Variants in EHD4 observed in about 807,000 individuals in gnomAD.
The protein encoded by EHD4 is EH domain-containing protein 4.
In EHD4, 37 loss-of-function variants were observed where a neutral mutation model predicts 51.0. That is an observed-to-expected ratio of 0.73 (90% CI 0.56 to 0.95). The LOEUF (loss-of-function observed/expected upper bound fraction) is 0.95. EHD4 is among the 40% of genes least tolerant of loss of function. The pLI is 0.00. For synonymous variants in EHD4, 297 were observed against 317.3 expected (o/e 0.94, Z 0.68); for missense variants, 632 against 733.1 (o/e 0.86, Z 1.59).
chr15:41,919,334 T>C lies in EHD4; in HGVS notation c.800A>G (p.Asn267Ser). The C allele has an allele frequency of 6.2e-7, 1 of 1,614,214 alleles. No individual in the cohort carries two copies. Among genetic ancestry groups the C allele is most frequent in the Non-Finnish European group, 8.5e-7 (1 of 1,180,024 alleles). The change falls in exon 4 of 6, where the codon AAC becomes AGC. Residue 267 changes from asparagine (N) to serine (S), a missense_variant. Coordinates refer to ENST00000220325, the MANE Select transcript of EHD4 (RefSeq NM_139265.4). ...CTCGAAGAGCCGGCGGTTGTCCGTG[T>C]TCTGCAGGGGCTGCGCCCAGAAGGA... is the stretch of plus-strand genomic sequence containing the variant. Reference protein sequence around the residue: ...IGSFWAQPLQNTDNRRLFEAE... With the variant: ...IGSFWAQPLQSTDNRRLFEAE...
chr15:41,953,734 G>C, intron 2 of EHD4, 30 bp downstream of exon 2: 1 of 1,566,206 alleles, frequency 6.4e-7, no homozygotes, highest in Non-Finnish European at 8.6e-7. Flanking sequence ...TAAACAGCCT[G>C]ACCGAAGATG....
In EHD4 at chr15:41,972,521, G is replaced by T. The variant is rs760162321; in HGVS notation, c.-27C>A. The T allele has an allele frequency of 6.8e-7, 1 of 1,469,882 alleles. No homozygotes were observed. The highest frequency in any genetic ancestry group is 1.4e-5 in the South Asian group (1 of 73,172). 91.1% of individuals were successfully genotyped at this position (1,469,882 alleles called of 1,614,324 possible). A position where few individuals can be genotyped will look rare whatever the true frequency, so the allele number is the denominator to read the frequency against. On this transcript the variant is annotated 5_prime_UTR_variant, in exon 1 of 6. Transcript: ENST00000220325. The stretch of plus-strand genomic sequence containing the variant: ...CTGCCGCCAGTCCACGCTCGGATGG[G>T]ACCCTGCTCCGGGTTCGACTCTCCC...
intron 3 of EHD4, among the ~76,000 whole-genome samples, chr15:41,925,178 A>G (rs1379386359): frequency 6.6e-6 from 1 of 152,230 alleles, no homozygotes; most frequent in East Asian, 1.9e-4. Context: ...ACTTGTTTAA[A>G]GATACACATC....
chr15:41,969,995 C>G (rs2067985811), intron 1 of EHD4, among the ~76,000 whole-genome samples: 1 of 152,192 alleles, frequency 6.6e-6, no homozygotes, highest in Non-Finnish European at 1.5e-5. Flanking sequence ...ACCCAGACCA[C>G]TAACCAGGCT....
chr15:41,900,679 G>C lies in EHD4; in HGVS notation c.1592C>G (p.Pro531Arg), dbSNP rs1301507488. Residue 531 changes from proline (P) to arginine (R), a missense_variant, in exon 6 of 6, where the codon CCC becomes CGC. Coordinates refer to ENST00000220325, the MANE Select transcript of EHD4 (RefSeq NM_139265.4). The surrounding 1 kb of genome is among the most constrained non-coding windows in gnomAD (Gnocchi z 4.8). The part of the protein sequence containing the change: ...PSSLPPHLVP[P>R]SHRKSLPKAD ...CTTGGGCAGGGACTTCCTGTGCGAG[G>C]GGGGCACGAGGTGGGGGGGCAGGCT... 6.2e-7 allele frequency: 1 copy of C among 1,602,796 alleles called. No individual in the cohort carries two copies. The highest frequency in any genetic ancestry group is 8.5e-7 in the Non-Finnish European group (1 of 1,178,764).
chr15:41,925,664 G>A lies in EHD4; in HGVS notation c.512-6042C>T, dbSNP rs147912043. Reference sequence around the variant, plus strand: ...AAAAAGAGATGTAATCAGTCCAGTTGTTTCAAAATATAGTTTCTTTCTTTG... The same window carrying A: ...AAAAAGAGATGTAATCAGTCCAGTTATTTCAAAATATAGTTTCTTTCTTTG... On this transcript the variant is annotated intron_variant, in intron 3 of 5. Transcript: ENST00000220325. 8.5e-5 allele frequency among the ~76,000 whole-genome samples: 13 copies of A among 152,324 alleles called. No homozygotes were observed. In the East Asian group the frequency reaches 2.5e-3, roughly 29 times the overall value.
chr15:41,899,067 A>C lies in EHD4; in HGVS notation c.*1578T>G, dbSNP rs2067458636. ...CCCTGTCACCAAAGGCAGGTGACAG[A>C]AAAAAAAAATTATGTGCCTTTTGGA... On this transcript the variant is annotated 3_prime_UTR_variant, in exon 6 of 6. Coordinates refer to ENST00000220325, the MANE Select transcript of EHD4 (RefSeq NM_139265.4). The C allele has an allele frequency of 2.5e-5, 1 of 39,390 alleles. No individual in the cohort carries two copies. The highest frequency in any genetic ancestry group is 5.3e-5 in the Non-Finnish European group (1 of 18,952). 2.4% of individuals were successfully genotyped at this position (39,390 alleles called of 1,614,324 possible).
chr15:41,960,243 C>T (rs1395368865), intron 1 of EHD4, among the ~76,000 whole-genome samples: 2 of 152,166 alleles, frequency 1.3e-5, no homozygotes, highest in East Asian at 3.8e-4. Context: ...TATTTTTATT[C>T]CTAGTTTATA....
At chr15:41,926,352 G>A (rs1359590915) in intron 3 of EHD4, among the ~76,000 whole-genome samples, 24 of 152,146 alleles carry the variant, frequency 1.6e-4, no homozygotes, top group Admixed American at 1.6e-3. Flanking sequence ...GCCTAAAACT[G>A]CTCAAACCTC....
chr15:41,920,212 T>C (rs2067615664), intron 3 of EHD4, among the ~76,000 whole-genome samples: 1 of 152,242 alleles, frequency 6.6e-6, no homozygotes, highest in Non-Finnish European at 1.5e-5. Flanking sequence ...TCAGGTATAT[T>C]GTGAATATTT....
At chr15:41,931,567 AT>A (rs1442083417) in intron 3 of EHD4, among the ~76,000 whole-genome samples, 2 of 152,224 alleles carry the variant, frequency 1.3e-5, no homozygotes, top group East Asian at 3.8e-4. Flanking sequence ...ATAAAACAAA[AT>A]TAAATATGCA....
chr15:41,957,697 C>T (rs748429406), intron 1 of EHD4, among the ~76,000 whole-genome samples: 20 of 152,198 alleles, frequency 1.3e-4, no homozygotes, highest in Admixed American at 1.3e-3. Context: ...CCCCAGCTCC[C>T]TGGTGCTCTA....
At position 41,898,265 on chromosome 15, in the gene EHD4, C is replaced by T. The variant is rs2067452732; in HGVS notation, c.*2380G>A. 1.3e-5 allele frequency: 2 copies of T among 152,214 alleles called. No individual in the cohort carries two copies. The highest frequency in any genetic ancestry group is 6.5e-5 in the Admixed American group (1 of 15,292). The allele number at this position is 152,214 out of a possible 1,614,324, so 9.4% of individuals were successfully genotyped here. ...GAGATCACAGTGCCTGAGAGGTTTT[C>T]CTCCACGGAGAAATCAGAGACCTCA... On this transcript the variant is annotated 3_prime_UTR_variant, in exon 6 of 6. Transcript: ENST00000220325.
At chr15:41,901,292 A>G (rs1326495691) in intron 5 of EHD4, 111 bp from the exon 6 acceptor site, 2 of 1,168,724 alleles carry the variant, frequency 1.7e-6, no homozygotes, top group Non-Finnish European at 1.2e-6. Flanking sequence ...CCCACCCACT[A>G]CTCAGGAGTG....
chr15:41,969,653 C>A (rs59271769), intron 1 of EHD4, among the ~76,000 whole-genome samples: 14,179 of 152,248 alleles, frequency 0.093, 1,222 homozygotes, highest in East Asian at 0.39. Flanking sequence ...CTGGAGGAAT[C>A]TTTGAAATCT....
chr15:41,955,101 T>A (rs2067878574), intron 1 of EHD4, among the ~76,000 whole-genome samples: 1 of 152,124 alleles, frequency 6.6e-6, no homozygotes, highest in Non-Finnish European at 1.5e-5. Context: ...TCTGATGATA[T>A]CTTTTATCTC....
At chr15:41,934,309 GT>G (rs145906559) in intron 3 of EHD4, among the ~76,000 whole-genome samples, 2,022 of 140,114 alleles carry the variant, frequency 0.014, 40 homozygotes, top group African/African-American at 0.043. Context: ...GTGCCAGGAA[GT>G]TTTTTTTTTT....
chr15:41,963,692 A>G (rs956935468), intron 1 of EHD4, among the ~76,000 whole-genome samples: 2 of 152,158 alleles, frequency 1.3e-5, no homozygotes, highest in African/African-American at 4.8e-5. Flanking sequence ...TATTATAAAA[A>G]AGGAAAAATT....
intron 3 of EHD4, among the ~76,000 whole-genome samples, chr15:41,937,880 C>T (rs2067742847): frequency 6.6e-6 from 1 of 152,076 alleles, no homozygotes; most frequent in Non-Finnish European, 1.5e-5. Context: ...TAAACCTTAT[C>T]CGAAAAGGTT....
Sources: allele counts gnomAD v4.1 joint callset (sites outside exome capture counted in the v4.1 genomes callset), GRCh38; gene constraint gnomAD v4.1.1; non-coding constraint Gnocchi (gnomAD v3.1); transcripts MANE v1.5; gene names NCBI Gene and HGNC (gene_info 2026-07-23, HGNC 2026-07-21).